Variants in ZNF723 observed in about 807,000 individuals in gnomAD.
ZNF723 encodes zinc finger protein 723, also known as zinc finger protein 723, pseudogene.
Under a neutral mutation model 9.4 loss-of-function variants are expected in ZNF723, and 5 were observed. The observed-to-expected ratio is 0.53, with a 90% CI of 0.28 to 1.12. The LOEUF (loss-of-function observed/expected upper bound fraction) is 1.12, where lower values mean the gene tolerates loss of function less well. Ranked by LOEUF, ZNF723 falls within the 50% of genes most tolerant of loss-of-function variation. The probability of loss-of-function intolerance (pLI) is 0.10; values close to 1 mark genes in which losing one functional copy is unlikely to be tolerated. For synonymous variants in ZNF723, 158 were observed against 168.8 expected (o/e 0.94, Z 0.49); for missense variants, 450 against 501.5 (o/e 0.90, Z 0.98).
At chr19:22,851,094 A>G (rs1967388677) in intron 3 of ZNF723, among the ~76,000 whole-genome samples, 1 of 152,152 alleles carries the variant, frequency 6.6e-6, no homozygotes, top group African/African-American at 2.4e-5. Context: ...TAAGGGTTTT[A>G]TGCACCATCA....
chr19:22,820,946 C>T, the ZNF723 span, among the ~76,000 whole-genome samples: 64 of 152,302 alleles, frequency 4.2e-4, no homozygotes, highest in African/African-American at 9.9e-4. Context: ...GAATCTCCCA[C>T]GTGGAGGTAG....
Position 22,858,052 on chromosome 19 carries a change from TA to T in ZNF723, c.1163del (p.Lys388ArgfsTer30). The T allele has an allele frequency of 6.6e-7, 1 of 1,523,000 alleles. No individual in the cohort carries two copies. Among genetic ancestry groups the T allele is most frequent in the East Asian group, 2.3e-5 (1 of 44,412 alleles). 94.3% of individuals were successfully genotyped at this position (1,523,000 alleles called of 1,614,324 possible). ...AAGTATCTGTACACCTTACTACACA[TA>T]AGAGAATTCATACTGGAGAGAAACC... ...FKVSVHLTTH[K>X]RIHTGEKPYK... On this transcript the variant is annotated frameshift_variant, in exon 4 of 4. Transcript: ENST00000600766. LOFTEE classifies it low-confidence loss of function (END_TRUNC).
the ZNF723 span, among the ~76,000 whole-genome samples, chr19:22,813,251 A>G: frequency 6.6e-6 from 1 of 152,192 alleles, no homozygotes; most frequent in African/African-American, 2.4e-5. Context: ...TCTAATCTCC[A>G]AATTGTCTTG....
chr19:22,843,649 A>C (rs1967274172), intron 1 of ZNF723, among the ~76,000 whole-genome samples: 1 of 152,180 alleles, frequency 6.6e-6, no homozygotes, highest in Admixed American at 6.6e-5. Flanking sequence ...AGATGTGTGC[A>C]AAAAAATTTG....
Position 22,852,415 on chromosome 19 carries a change from T to C in ZNF723, c.226+3122T>C, listed in dbSNP as rs1260706599. ...AAATCAAATATTAGTCTTTCATTCA[T>C]ATATCTGTTTCCAATATAGTTATGT... On this transcript the variant is annotated intron_variant, in intron 3 of 3. Coordinates refer to ENST00000600766, the MANE Select transcript of ZNF723 (RefSeq NM_001349726.2). Among the ~76,000 whole-genome samples, 3 of 152,206 alleles carry C rather than the reference T, an allele frequency of 2.0e-5. No homozygotes were observed. The East Asian group carries it at 5.8e-4, about 29-fold the overall frequency.
Position 22,845,889 on chromosome 19 carries a change from C to CTTTTT in ZNF723, c.4-2358_4-2354dup, listed in dbSNP as rs1214348571. 2.0e-3 allele frequency among the ~76,000 whole-genome samples: 247 copies of CTTTTT among 124,364 alleles called. 1 individual carries two copies. The highest frequency in any genetic ancestry group is 6.5e-3 in the African/African-American group (211 of 32,466). The allele number at this position is 124,364 out of a possible 152,430, so 81.6% of individuals were successfully genotyped here. ...AGGAGGAGATAGGGAAAAAATATGCCTTTTTTTTTTTTTTTTTTAGCTAAA... is the reference window on the plus strand; with the variant it reads ...AGGAGGAGATAGGGAAAAAATATGCCTTTTTTTTTTTTTTTTTTTTTTTAGCTAAA... On this transcript the variant is annotated intron_variant, in intron 1 of 3. Transcript: ENST00000600766.
chr19:22,821,794 G>A, the ZNF723 span, among the ~76,000 whole-genome samples: 1,257 of 152,236 alleles, frequency 8.3e-3, 17 homozygotes, highest in African/African-American at 0.028. Flanking sequence ...CGTTTAGAAA[G>A]GTCACAGAGG....
chr19:22,845,620 G>A (rs1404303513), intron 1 of ZNF723, among the ~76,000 whole-genome samples: 1 of 152,126 alleles, frequency 6.6e-6, no homozygotes, highest in Non-Finnish European at 1.5e-5. Context: ...TGTAGCAGGG[G>A]AGGGCACCTA....
chr19:22,854,303 T>C (rs1303907321), intron 3 of ZNF723, among the ~76,000 whole-genome samples: 1 of 152,150 alleles, frequency 6.6e-6, no homozygotes, highest in Non-Finnish European at 1.5e-5. Flanking sequence ...TGTAATATTA[T>C]TTTGATCTCT....
rs1177878394 is a variant in ZNF723 at position 22,848,289 on chromosome 19, T to TA, written c.36dup (p.Phe13IlefsTer18). On this transcript the variant is annotated frameshift_variant, in exon 2 of 4. Transcript: ENST00000600766. LOFTEE classifies it high-confidence loss of function. Reference sequence around the variant, plus strand: ...CCATTGACATTCACAGATGTGGCAATAAAATTTTCTCTGGAGGAGTGGCAA... The same window carrying TA: ...CCATTGACATTCACAGATGTGGCAATAAAAATTTTCTCTGGAGGAGTGGCAA... 2 of 1,258,604 alleles carry TA rather than the reference T, an allele frequency of 1.6e-6. No homozygotes were observed. Among genetic ancestry groups the TA allele is most frequent in the African/African-American group, 3.0e-5 (2 of 66,694 alleles). 78.0% of individuals were successfully genotyped at this position (1,258,604 alleles called of 1,614,324 possible). A position where few individuals can be genotyped will look rare whatever the true frequency, so the allele number is the denominator to read the frequency against.
At chr19:22,844,934 G>A (rs1271954598) in intron 1 of ZNF723, among the ~76,000 whole-genome samples, 7 of 152,110 alleles carry the variant, frequency 4.6e-5, no homozygotes, top group Non-Finnish European at 1.0e-4. Flanking sequence ...TGGCTAACAT[G>A]GTGAAACCCC....
chr19:22,856,906 G>A lies in ZNF723; in HGVS notation c.227-212G>A, dbSNP rs143446969. 2.0e-4 allele frequency among the ~76,000 whole-genome samples: 30 copies of A among 152,204 alleles called. 1 individual carries two copies. The South Asian group carries it at 5.8e-3, about 29-fold the overall frequency. ...TCTTCATTCTATGAGGCTCTTTGTG[G>A]CACTGCACATACTTAACTCATTTAT... On this transcript the variant is annotated intron_variant, in intron 3 of 3. Transcript: ENST00000600766.
chr19:22,844,326 AACTTTTCT>A (rs1967282405), intron 1 of ZNF723, among the ~76,000 whole-genome samples: 1 of 152,212 alleles, frequency 6.6e-6, no homozygotes, highest in Admixed American at 6.5e-5. Flanking sequence ...AACTGCGTTA[AACTTTTCT>A]CTATTCAGGT....
At chr19:22,823,436 C>A in the ZNF723 span, among the ~76,000 whole-genome samples, 1 of 152,206 alleles carries the variant, frequency 6.6e-6, no homozygotes, top group South Asian at 2.1e-4. Context: ...ATTCAACACA[C>A]CGGTGAGGCT....
At chr19:22,818,307 C>T in the ZNF723 span, among the ~76,000 whole-genome samples, 2 of 152,216 alleles carry the variant, frequency 1.3e-5, no homozygotes, top group Non-Finnish European at 2.9e-5. Context: ...ACAGATGACA[C>T]TAAAAATTGT....
At chr19:22,849,729 T>C (rs1192151339) in intron 3 of ZNF723, among the ~76,000 whole-genome samples, 5 of 152,080 alleles carry the variant, frequency 3.3e-5, no homozygotes, top group African/African-American at 9.7e-5. Flanking sequence ...GCCAACATGG[T>C]GAAACCCCTT....
the ZNF723 span, among the ~76,000 whole-genome samples, chr19:22,824,641 A>G: frequency 6.9e-3 from 1,052 of 152,332 alleles, 10 homozygotes; most frequent in African/African-American, 0.024. Flanking sequence ...GTGTCATAAC[A>G]AAGCCCAGCA....
chr19:22,854,236 G>A (rs1967439195), intron 3 of ZNF723, among the ~76,000 whole-genome samples: 2 of 151,782 alleles, frequency 1.3e-5, no homozygotes, highest in Non-Finnish European at 2.9e-5. Flanking sequence ...TCTCCATATA[G>A]TTTTGACTTA....
At chr19:22,826,780 A>C in the ZNF723 span, among the ~76,000 whole-genome samples, 1 of 152,228 alleles carries the variant, frequency 6.6e-6, no homozygotes, top group African/African-American at 2.4e-5. Context: ...CAACAGAAAT[A>C]AAAAAGGTAT....
Sources: gnomAD v4.1 joint callset for allele counts (sites outside exome capture counted in the v4.1 genomes callset) on GRCh38, gnomAD v4.1.1 for gene constraint, MANE v1.5 for transcripts, NCBI Gene and HGNC (gene_info 2026-07-23, HGNC 2026-07-21) for gene names.